The following TLN2 variants were observed in gnomAD, a reference collection of about 807,000 sequenced individuals.
The protein encoded by TLN2 is talin-2.
In TLN2, 118 loss-of-function variants were observed where a neutral mutation model predicts 294.7. The ratio of observed to expected loss-of-function variants is 0.40; its 90% confidence interval spans 0.34 to 0.47. The LOEUF (loss-of-function observed/expected upper bound fraction) is 0.47, where lower values mean the gene tolerates loss of function less well. Ranked by LOEUF, TLN2 falls within the 20% of genes least tolerant of loss-of-function variation. TLN2 has a pLI of 0.84. For synonymous variants in TLN2, 1,431 were observed against 1,304.5 expected (o/e 1.10, Z -2.09); for missense variants, 3,083 against 3,282.2 (o/e 0.94, Z 1.48).
chr15:62,661,599 A>G (rs1408554007), intron 9 of TLN2, among the ~76,000 whole-genome samples: 1 of 152,228 alleles, frequency 6.6e-6, no homozygotes, highest in East Asian at 1.9e-4. Context: ...TAAATATATT[A>G]GGCATCATAC....
chr15:62,714,369 A>G (rs1160927823), intron 22 of TLN2, among the ~76,000 whole-genome samples: 1 of 151,502 alleles, frequency 6.6e-6, no homozygotes, highest in Admixed American at 6.6e-5. Context: ...CGCCCGGCTA[A>G]TTTTTTGTAT....
intron 1 of TLN2, among the ~76,000 whole-genome samples, chr15:62,466,118 C>G (rs894160234): frequency 6.6e-6 from 1 of 152,194 alleles, no homozygotes; most frequent in African/African-American, 2.4e-5. Context: ...GAGGCAGCGG[C>G]TGCCAGCCTG....
chr15:62,838,784 C>T (rs2070163915), intron 57 of TLN2, 72 bp from the exon 58 acceptor site: 1 of 1,574,550 alleles, frequency 6.4e-7, no homozygotes, highest in Non-Finnish European at 8.6e-7. Context: ...CAAACTGTAC[C>T]TTCATGTCTA....
At chr15:62,430,124 T>A (rs1380957409) in intron 1 of TLN2, among the ~76,000 whole-genome samples, 3 of 152,252 alleles carry the variant, frequency 2.0e-5, no homozygotes, top group African/African-American at 7.2e-5. Flanking sequence ...ATTAGGTCTT[T>A]GTGGCTGTGT....
intron 1 of TLN2, among the ~76,000 whole-genome samples, chr15:62,404,450 G>A (rs2033251505): frequency 6.6e-6 from 1 of 152,240 alleles, no homozygotes; most frequent in South Asian, 2.1e-4. Context: ...AGGGGGAGAT[G>A]TCTCCTTCTT....
chr15:62,390,790 G>T (rs2459895), intron 1 of TLN2, 105 bp downstream of exon 1: 39,147 of 151,912 alleles, frequency 0.26, 5,667 homozygotes, highest in East Asian at 0.61. Flanking sequence ...AAAATGTGGG[G>T]TTTTTTTTCC....
intron 1 of TLN2, among the ~76,000 whole-genome samples, chr15:62,488,410 C>T (rs2038528120): frequency 6.6e-6 from 1 of 152,034 alleles, no homozygotes; most frequent in Non-Finnish European, 1.5e-5. Flanking sequence ...GCCTTGGAGA[C>T]TGGAGTGAGG....
chr15:62,796,314 G>C (rs752766587), intron 47 of TLN2, 21 bp downstream of exon 47: 1 of 1,604,232 alleles, frequency 6.2e-7, no homozygotes, highest in Non-Finnish European at 8.5e-7. Flanking sequence ...GTCCTGGACG[G>C]GGAGAGGTTC....
intron 1 of TLN2, among the ~76,000 whole-genome samples, chr15:62,440,967 GTTATAGTCACATTGGT>G (rs1052999574): frequency 5.9e-5 from 9 of 152,132 alleles, no homozygotes; most frequent in African/African-American, 2.2e-4. Context: ...CCAGGTTCTG[GTTATAGTCACATTGGT>G]ATATAATACA....
At position 62,587,162 on chromosome 15, in the gene TLN2, A is replaced by G. The variant is rs924421628; in HGVS notation, c.-237-2525A>G. Among the ~76,000 whole-genome samples, 2 of 152,238 alleles carry G rather than the reference A, an allele frequency of 1.3e-5. 1 individual carries two copies. Among genetic ancestry groups the G allele is most frequent in the South Asian group, 4.1e-4 (2 of 4,830 alleles). On this transcript the variant is annotated intron_variant, in intron 1 of 58. Coordinates refer to ENST00000636159, the MANE Select transcript of TLN2 (RefSeq NM_015059.3). ...ATTTGAGGAAGGTAACTCCCTACTC[A>G]GTGTTCACTAAGAGCACATGTGTGC...
At chr15:62,778,993 T>C (rs1402762820) in intron 43 of TLN2, among the ~76,000 whole-genome samples, 1 of 152,252 alleles carries the variant, frequency 6.6e-6, no homozygotes, top group African/African-American at 2.4e-5. Flanking sequence ...TGGCATAGTC[T>C]CTCAGAATTT....
At chr15:62,772,019 G>C (rs751505161) in intron 42 of TLN2, among the ~76,000 whole-genome samples, 2 of 152,036 alleles carry the variant, frequency 1.3e-5, no homozygotes, top group Non-Finnish European at 2.9e-5. Flanking sequence ...TTATGAATTC[G>C]TGGCCTCGTG....
chr15:62,436,731 T>A (rs1318524770), intron 1 of TLN2, among the ~76,000 whole-genome samples: 19 of 152,230 alleles, frequency 1.2e-4, no homozygotes, highest in Admixed American at 1.2e-3. Context: ...TTTATTTATT[T>A]ATTTTTTTTA....
chr15:62,479,552 C>G (rs895789428), intron 1 of TLN2, among the ~76,000 whole-genome samples: 3 of 152,172 alleles, frequency 2.0e-5, no homozygotes, highest in Admixed American at 6.5e-5. Flanking sequence ...TCTTGGCTCA[C>G]TGCAACCTCC....
chr15:62,521,498 G>A (rs62006691), intron 1 of TLN2, among the ~76,000 whole-genome samples: 1,612 of 152,288 alleles, frequency 0.011, 17 homozygotes, highest in Non-Finnish European at 0.014. Flanking sequence ...GTCATAAGTG[G>A]ATTCAAAGAT....
chr15:62,485,655 C>G (rs894566740), intron 1 of TLN2, among the ~76,000 whole-genome samples: 3 of 152,242 alleles, frequency 2.0e-5, no homozygotes, highest in Admixed American at 2.0e-4. Flanking sequence ...CCCTCTCCCA[C>G]TCCCCTGCTT....
intron 1 of TLN2, among the ~76,000 whole-genome samples, chr15:62,581,244 T>G (rs1160244401): frequency 6.6e-6 from 1 of 152,186 alleles, no homozygotes; most frequent in Non-Finnish European, 1.5e-5. Flanking sequence ...GAGTTGGAAT[T>G]GTATAGTATG....
At chr15:62,826,688 A>T (rs2068231976) in intron 54 of TLN2, among the ~76,000 whole-genome samples, 1 of 149,022 alleles carries the variant, frequency 6.7e-6, no homozygotes, top group South Asian at 2.1e-4. Flanking sequence ...TACCAGAAGC[A>T]AACTAGTAGC....
chr15:62,572,021 G>A (rs1423480750), intron 1 of TLN2, among the ~76,000 whole-genome samples: 1 of 152,182 alleles, frequency 6.6e-6, no homozygotes, highest in Admixed American at 6.5e-5. Flanking sequence ...GCTGATATGG[G>A]AGGGTGCGGA....
Sources: gnomAD v4.1 joint callset for allele counts (sites outside exome capture counted in the v4.1 genomes callset) on GRCh38, gnomAD v4.1.1 for gene constraint, MANE v1.5 for transcripts, NCBI Gene and HGNC (gene_info 2026-07-23, HGNC 2026-07-21) for gene names.